PCDHA1: variants seen among roughly 807,000 people sequenced by gnomAD.
PCDHA1 encodes the protein protocadherin alpha-1.
Under a neutral mutation model 61.3 loss-of-function variants are expected in PCDHA1, and 42 were observed. The ratio of observed to expected loss-of-function variants is 0.69; its 90% CI spans 0.54 to 0.89. The LOEUF (loss-of-function observed/expected upper bound fraction) is 0.89, where lower values mean the gene tolerates loss of function less well. Among genes scored for constraint, PCDHA1 ranks in the 40% least tolerant of loss-of-function variants. The pLI, the probability that PCDHA1 is intolerant of heterozygous loss-of-function variation, is 0.00. For synonymous variants in PCDHA1, 610 were observed against 553.8 expected (o/e 1.10, Z -1.43); for missense variants, 1,256 against 1,235.3 (o/e 1.02, Z -0.25).
At chr5:140,978,881 A>G in intron 1 of PCDHA1, 68 bp from the exon 2 acceptor site, 1 of 1,610,922 alleles carries the variant, frequency 6.2e-7, no homozygotes, top group Non-Finnish European at 8.5e-7. Flanking sequence ...TAACTAATCA[A>G]TTAGCAGCAT....
intron 1 of PCDHA1, chr5:140,883,267 T>C: frequency 6.2e-7 from 1 of 1,614,048 alleles, no homozygotes. Flanking sequence ...TGGCGGGTCA[T>C]TGTACCCTTT....
intron 1 of PCDHA1, chr5:140,856,807 T>G: frequency 6.3e-7 from 1 of 1,594,936 alleles, no homozygotes; most frequent in African/African-American, 1.3e-5. Context: ...TGTATGAAAA[T>G]CAAGTGAACC....
intron 1 of PCDHA1, among the ~76,000 whole-genome samples, chr5:140,838,930 T>C (rs10059211): frequency 0.025 from 3,848 of 151,876 alleles, 212 homozygotes; most frequent in African/African-American, 0.088. Context: ...TAAAATAAAA[T>C]GAAATAATAA....
chr5:140,898,018 C>G (rs1189161004), intron 1 of PCDHA1, among the ~76,000 whole-genome samples: 1 of 152,062 alleles, frequency 6.6e-6, no homozygotes, highest in African/African-American at 2.4e-5. Flanking sequence ...TATCCTTTGC[C>G]CACTTTTTGA....
At chr5:140,867,469 T>C (rs895909736) in intron 1 of PCDHA1, 2 of 152,068 alleles carry the variant, frequency 1.3e-5, no homozygotes, top group Non-Finnish European at 2.9e-5. Context: ...TATGACAACA[T>C]TGGGAAAAGA....
intron 1 of PCDHA1, chr5:140,834,945 C>T (rs2150229215): frequency 6.4e-7 from 1 of 1,552,558 alleles, no homozygotes; most frequent in East Asian, 2.3e-5. Flanking sequence ...CAGCAACCAG[C>T]AGGTAAAACC....
Position 140,857,494 on chromosome 5 carries a change from C to A in PCDHA1, c.2394+68810C>A, listed in dbSNP as rs189056024. Reference sequence around the variant, plus strand: ...TCACGGTGTCTGCGTGGGACGCGGACGCGCAGGAGAACGCCCTGGTGTCCT... The same window carrying A: ...TCACGGTGTCTGCGTGGGACGCGGAAGCGCAGGAGAACGCCCTGGTGTCCT... On this transcript the variant is annotated intron_variant, in intron 1 of 3. Coordinates refer to ENST00000504120, the MANE Select transcript of PCDHA1 (RefSeq NM_018900.4). 3.8e-5 allele frequency: 60 copies of A among 1,598,330 alleles called. 2 individuals are homozygous for A. In the East Asian group the frequency reaches 1.2e-3, roughly 32 times the overall value.
chr5:140,847,155 T>C lies in PCDHA1; in HGVS notation c.2394+58471T>C. On this transcript the variant is annotated intron_variant, in intron 1 of 3. Transcript: ENST00000504120. ...ACCAATGTAAGAAGATCTCTTGATT[T>C]CTGAGTAATAAACTAAAGGGCCATG... is the stretch of plus-strand genomic sequence containing the variant. Among the ~76,000 whole-genome samples, 2 of 149,582 alleles carry C rather than the reference T, an allele frequency of 1.3e-5. 1 individual carries two copies. The highest frequency in any genetic ancestry group is 3.0e-5 in the Non-Finnish European group (2 of 66,904).
chr5:140,968,405 G>C (rs2096244938), intron 1 of PCDHA1: 7 of 1,614,002 alleles, frequency 4.3e-6, no homozygotes, highest in Non-Finnish European at 5.9e-6. Flanking sequence ...GGAGTTCTTT[G>C]TGACTGTGGA....
chr5:140,988,418 G>T (rs1372180292), intron 3 of PCDHA1, among the ~76,000 whole-genome samples: 2 of 152,150 alleles, frequency 1.3e-5, no homozygotes, highest in Non-Finnish European at 2.9e-5. Context: ...CTTATGTAAA[G>T]AATTTGTTTG....
At chr5:140,830,348 C>G in intron 1 of PCDHA1, 1 of 1,614,076 alleles carries the variant, frequency 6.2e-7, no homozygotes, top group Non-Finnish European at 8.5e-7. Flanking sequence ...GTACTCGCAG[C>G]AGAGGCGGCA....
chr5:140,806,126 C>T (rs1164363367), intron 1 of PCDHA1, among the ~76,000 whole-genome samples: 1 of 152,108 alleles, frequency 6.6e-6, no homozygotes, highest in African/African-American at 2.4e-5. Flanking sequence ...TGACATTCTT[C>T]ATGGGTCAGG....
At chr5:140,877,686 G>C in intron 1 of PCDHA1, 1 of 1,613,818 alleles carries the variant, frequency 6.2e-7, no homozygotes, top group South Asian at 1.1e-5. Context: ...GCAAGCCCAC[G>C]CTGGTGTGCT....
At chr5:140,874,516 G>A (rs1307179066) in intron 1 of PCDHA1, among the ~76,000 whole-genome samples, 4 of 152,210 alleles carry the variant, frequency 2.6e-5, no homozygotes, top group Non-Finnish European at 5.9e-5. Context: ...CTTGACTTTA[G>A]TCAATGAGAT....
chr5:140,792,743 T>C (rs141862443), intron 1 of PCDHA1, among the ~76,000 whole-genome samples: 3 of 152,336 alleles, frequency 2.0e-5, no homozygotes, highest in Non-Finnish European at 4.4e-5. Flanking sequence ...TATAATTCCT[T>C]CTATGTGTCA....
chr5:140,966,945 A>G, intron 1 of PCDHA1: 1 of 1,603,804 alleles, frequency 6.2e-7, no homozygotes, highest in Non-Finnish European at 8.5e-7. Flanking sequence ...CTCGTGGGCA[A>G]CGTGGCTCGC....
At chr5:140,804,913 T>A in intron 1 of PCDHA1, 1 of 914,444 alleles carries the variant, frequency 1.1e-6, no homozygotes, top group Non-Finnish European at 1.5e-6. Context: ...TTTTCTTTAT[T>A]TCCTTTTTTG....
At chr5:140,945,142 A>G (rs2093746990) in intron 1 of PCDHA1, among the ~76,000 whole-genome samples, 1 of 152,184 alleles carries the variant, frequency 6.6e-6, no homozygotes. Context: ...AATCAATAGC[A>G]TTTCTATACA....
Position 140,856,390 on chromosome 5 carries a change from G to A in PCDHA1, c.2394+67706G>A, listed in dbSNP as rs2043967931. On this transcript the variant is annotated intron_variant, in intron 1 of 3. Coordinates refer to ENST00000504120, the MANE Select transcript of PCDHA1 (RefSeq NM_018900.4). ...AGGTGATCGTGGACAGGCCGCTGCA[G>A]GTTTTCCATGTGGACGTGGAAGTGA... is the stretch of plus-strand genomic sequence containing the variant. 3 of 1,598,440 alleles carry A rather than the reference G, an allele frequency of 1.9e-6. 1 individual carries two copies. The highest frequency in any genetic ancestry group is 2.6e-6 in the Non-Finnish European group (3 of 1,167,994).
Sources: gnomAD v4.1 joint callset for allele counts (sites outside exome capture counted in the v4.1 genomes callset) on GRCh38, gnomAD v4.1.1 for gene constraint, MANE v1.5 for transcripts, NCBI Gene and HGNC (gene_info 2026-07-23, HGNC 2026-07-21) for gene names.